EHBP1L1: variants seen among roughly 807,000 people sequenced by gnomAD.
EHBP1L1 encodes the protein EH domain-binding protein 1-like protein 1.
A neutral mutation model predicts 151.1 loss-of-function variants in EHBP1L1; 122 were observed. That is an observed-to-expected ratio of 0.81 (90% confidence interval 0.70 to 0.94). The LOEUF is 0.94. Ranked by LOEUF, EHBP1L1 falls within the 40% of genes least tolerant of loss-of-function variation. The probability of loss-of-function intolerance (pLI) is 0.00; values close to 1 mark genes in which losing one functional copy is unlikely to be tolerated. For missense variants in EHBP1L1, 1,941 were observed against 1,959.8 expected, an observed-to-expected ratio of 0.99 and a Z score of 0.18; for synonymous variants, 878 against 810.1, an observed-to-expected ratio of 1.08 and a Z score of -1.42.
intron 12 of EHBP1L1, among the ~76,000 whole-genome samples, chr11:65,586,804 C>G (rs965910619): frequency 3.9e-5 from 6 of 152,234 alleles, no homozygotes; most frequent in African/African-American, 1.2e-4. Context: ...CATCTGTTGG[C>G]CTCATTAATG....
chr11:65,591,972 TCAGACTGG>T lies in EHBP1L1; in HGVS notation c.4359_4366del (p.Asp1453GlufsTer25). 6.2e-7 allele frequency: 1 copy of T among 1,610,732 alleles called. No homozygotes were observed. The highest frequency in any genetic ancestry group is 1.3e-5 in the African/African-American group (1 of 74,784). On this transcript the variant is annotated splice_acceptor_variant and splice_polypyrimidine_tract_variant and coding_sequence_variant and intron_variant, in exon 18 of 19. Coordinates refer to ENST00000309295, the MANE Select transcript of EHBP1L1 (RefSeq NM_001099409.3). LOFTEE classifies it high-confidence loss of function. ...TCCTGACGCTTAGCCGCTTCGACCC[TCAGACTGG>T]CAGAAAACGTCCGCTCAGCAGCACC... is the stretch of plus-strand genomic sequence containing the variant.
Position 65,584,302 on chromosome 11 carries a change from C to G in EHBP1L1, c.3155C>G (p.Thr1052Ser). The G allele has an allele frequency of 6.2e-7, 1 of 1,611,688 alleles. No homozygotes were observed. The highest frequency in any genetic ancestry group is 8.5e-7 in the Non-Finnish European group (1 of 1,178,994). The change falls in exon 10 of 19, where the codon ACT (threonine) becomes AGT (serine). Residue 1052 changes from threonine (T) to serine (S), a missense_variant. By Grantham distance (58) the Thr-to-Ser change is moderately conservative. Transcript: ENST00000309295. ...CTGGAGTGGTGCCAGGAAGTCACCA[C>G]TGGCTACCGTGGCGTCCGCATCACC... ...SLLEWCQEVT[T>S]GYRGVRITNF...
In EHBP1L1 at chr11:65,585,084, C is replaced by G. The variant is rs761842924; in HGVS notation, c.3426C>G (p.Thr1142=). The G allele has an allele frequency of 1.3e-6, 2 of 1,535,770 alleles. No individual in the cohort carries two copies. Among genetic ancestry groups the G allele is most frequent in the Non-Finnish European group, 1.7e-6 (2 of 1,149,552 alleles). The change falls in exon 12 of 19, where the codon ACC becomes ACG. Residue 1142 remains threonine, a synonymous_variant. Transcript: ENST00000309295. This position sits in a 1 kb window ranked among gnomAD's most constrained non-coding sequence, Gnocchi z 4.0. The part of the protein sequence containing the change: ...TYLCQIRAFC[T]GQELQLVQLE... ...TGTGCCAGATCCGCGCCTTCTGCAC[C>G]GGGCAGGAGCTGCAGCTGGTACAAC...
chr11:65,576,106 C>T lies in EHBP1L1; in HGVS notation c.-197C>T. ...TCGCCACCCGACGCGCCCCAGGCGA[C>T]CCCGCAGACTCAGCCAGACCACCCT... On this transcript the variant is annotated 5_prime_UTR_variant, in exon 1 of 19. Coordinates refer to ENST00000309295, the MANE Select transcript of EHBP1L1 (RefSeq NM_001099409.3). 2.8e-6 allele frequency: 1 copy of T among 360,350 alleles called. No individual in the cohort carries two copies. Among genetic ancestry groups the T allele is most frequent in the Non-Finnish European group, 4.9e-6 (1 of 205,906 alleles). 22.3% of individuals were successfully genotyped at this position (360,350 alleles called of 1,614,324 possible).
rs370547716 is a variant in EHBP1L1, at chr11:65,582,623, T to C, written c.1951T>C (p.Leu651=). The change falls in exon 9 of 19, where the codon TTG becomes CTG. Residue 651 remains leucine, a synonymous_variant. Coordinates refer to ENST00000309295, the MANE Select transcript of EHBP1L1 (RefSeq NM_001099409.3). ...IETPGTETEV[L]GTQKTEAGGS... is the part of the protein sequence containing the mutation. ...GACCCCAGGGACAGAGACTGAGGTA[T>C]TGGGGACCCAGAAAACAGAAGCTGG... is the stretch of plus-strand genomic sequence containing the variant. The C allele has an allele frequency of 4.0e-5, 64 of 1,611,718 alleles. 1 individual carries two copies. In the African/African-American group the frequency reaches 5.7e-4, roughly 14 times the overall value.
Position 65,592,411 on chromosome 11 carries a change from C to A in EHBP1L1, c.*109C>A. ...GTCCCGGAGGCCGCGCGCGTGTCCG[C>A]TAGGGGCCGCCGGCGCCCTTCCCCG... On this transcript the variant is annotated 3_prime_UTR_variant, in exon 19 of 19. Transcript: ENST00000309295. 1.2e-6 allele frequency: 1 copy of A among 814,876 alleles called. No homozygotes were observed. Among genetic ancestry groups the A allele is most frequent in the Non-Finnish European group, 1.5e-6 (1 of 652,582 alleles). 50.5% of individuals were successfully genotyped at this position (814,876 alleles called of 1,614,324 possible). A position where few individuals can be genotyped will look rare whatever the true frequency, so the allele number is the denominator to read the frequency against.
intron 16 of EHBP1L1, 101 bp downstream of exon 16, chr11:65,590,693 C>A: frequency 9.6e-7 from 1 of 1,040,740 alleles, no homozygotes; most frequent in Non-Finnish European, 1.4e-6. Context: ...TTTTGACAAA[C>A]GATTCCTCTT....
At chr11:65,591,739 T>G in intron 16 of EHBP1L1, 61 bp from the exon 17 acceptor site, 1 of 1,359,290 alleles carries the variant, frequency 7.4e-7, no homozygotes, top group Non-Finnish European at 1.0e-6. Flanking sequence ...GGGCACTCTC[T>G]CCCTACGCCC....
chr11:65,589,165 G>C (rs1007412684), intron 12 of EHBP1L1, among the ~76,000 whole-genome samples: 1 of 152,212 alleles, frequency 6.6e-6, no homozygotes, highest in African/African-American at 2.4e-5. Flanking sequence ...AGCACTTTGG[G>C]AGGCCAAAGT....
chr11:65,589,738 CCTT>C lies in EHBP1L1; in HGVS notation c.3934-8_3934-6del. ...AAACCCCTCCCAGCCCTCACTGGCCCCTTCTTCCACAGGAAGGCCAGGCCCCTG... is the reference window on the plus strand; with the variant it reads ...AAACCCCTCCCAGCCCTCACTGGCCCCTTCCACAGGAAGGCCAGGCCCCTG... On this transcript the variant is annotated splice_polypyrimidine_tract_variant and intron_variant, in intron 12 of 18. Transcript: ENST00000309295. The C allele has an allele frequency of 1.3e-6, 2 of 1,529,910 alleles. No homozygotes were observed. Among genetic ancestry groups the C allele is most frequent in the East Asian group, 2.4e-5 (1 of 40,888 alleles). 94.8% of individuals were successfully genotyped at this position (1,529,910 alleles called of 1,614,324 possible).
intron 8 of EHBP1L1, 26 bp downstream of exon 8, chr11:65,581,399 C>T: frequency 6.0e-6 from 9 of 1,507,708 alleles, no homozygotes; most frequent in Non-Finnish European, 7.1e-6. Flanking sequence ...AGCCTCACCC[C>T]CCATTGCCCC....
chr11:65,579,897 C>T (rs747035124), intron 3 of EHBP1L1, 39 bp from the exon 4 acceptor site: 21 of 1,607,058 alleles, frequency 1.3e-5, no homozygotes, highest in Middle Eastern at 1.7e-4. Flanking sequence ...TTTGCTGCTG[C>T]CCCAACAGTC....
chr11:65,591,898 G>T, intron 17 of EHBP1L1, 25 bp downstream of exon 17: 1 of 1,605,664 alleles, frequency 6.2e-7, no homozygotes, highest in Non-Finnish European at 8.5e-7. Flanking sequence ...CAGGGGCCGG[G>T]AGGCAAGACA....
chr11:65,589,072 G>A (rs1456969316), intron 12 of EHBP1L1, among the ~76,000 whole-genome samples: 2 of 152,198 alleles, frequency 1.3e-5, no homozygotes, highest in African/African-American at 4.8e-5. Context: ...GCCAGCACTA[G>A]GTGACAGAAG....
intron 2 of EHBP1L1, 92 bp downstream of exon 2, chr11:65,579,227 G>A (rs1463762958): frequency 6.6e-6 from 10 of 1,521,648 alleles, no homozygotes; most frequent in African/African-American, 1.4e-5. Context: ...TGAGGTTCAA[G>A]CACAGATCAG....
At chr11:65,579,876 G>C in intron 3 of EHBP1L1, 60 bp from the exon 4 acceptor site, 1 of 1,558,722 alleles carries the variant, frequency 6.4e-7, no homozygotes, top group Non-Finnish European at 8.8e-7. Flanking sequence ...AGCCAGACAA[G>C]CTCTGCTCCC....
chr11:65,576,279 G>A lies in EHBP1L1; in HGVS notation c.-24G>A. 6.4e-7 allele frequency: 1 copy of A among 1,561,886 alleles called. No homozygotes were observed. The highest frequency in any genetic ancestry group is 1.2e-5 in the South Asian group (1 of 85,974). ...CCAGCGGGAGCCCCGGGCCTGAGAA[G>A]TGGGCGGCGGGGTGGCGGGGGCCAT... On this transcript the variant is annotated 5_prime_UTR_variant, in exon 1 of 19. The change creates a new upstream start codon in the 5' untranslated region. Coordinates refer to ENST00000309295, the MANE Select transcript of EHBP1L1 (RefSeq NM_001099409.3).
intron 6 of EHBP1L1, 127 bp from the exon 7 acceptor site, chr11:65,580,931 G>T (rs780704288): frequency 6.2e-6 from 9 of 1,448,916 alleles, no homozygotes; most frequent in Non-Finnish European, 7.3e-6. Context: ...CTCGCAGGCC[G>T]GGGCGGTGCC....
chr11:65,582,439 TGAG>T lies in EHBP1L1; in HGVS notation c.1769_1771del (p.Glu590del). On this transcript the variant is annotated inframe_deletion, in exon 9 of 19. Coordinates refer to ENST00000309295, the MANE Select transcript of EHBP1L1 (RefSeq NM_001099409.3). ...TGCTGGGAACCCAGGAGAAAGAAGT[TGAG>T]GGGTCAGGGTTCCCAGAGACTAGGA... 1 of 1,609,792 alleles carries T rather than the reference TGAG, an allele frequency of 6.2e-7. No individual in the cohort carries two copies. The highest frequency in any genetic ancestry group is 8.5e-7 in the Non-Finnish European group (1 of 1,178,890).
Sources: gnomAD v4.1 joint callset for allele counts (sites outside exome capture counted in the v4.1 genomes callset) on GRCh38, gnomAD v4.1.1 for gene constraint, Gnocchi (gnomAD v3.1) non-coding constraint, MANE v1.5 for transcripts, NCBI Gene and HGNC (gene_info 2026-07-23, HGNC 2026-07-21) for gene names.